WNK3: variants seen among roughly 807,000 people sequenced by gnomAD.
WNK3 encodes WNK lysine deficient protein kinase 3.
A neutral mutation model predicts 116.7 loss-of-function variants in WNK3; 18 were observed. That is an observed-to-expected ratio of 0.15 (90% CI 0.11 to 0.23). The LOEUF is 0.23. Among genes scored for constraint, WNK3 ranks in the 10% least tolerant of loss-of-function variants. The pLI, the probability that WNK3 is intolerant of heterozygous loss-of-function variation, is 1.00. For missense variants in WNK3, 993 were observed against 1,323.8 expected (o/e 0.75, Z 3.88); for synonymous variants, 404 against 469.4 (o/e 0.86, Z 1.80).
chrX:54,201,946 G>T, intron 23 of WNK3, 45 bp downstream of exon 23: 1 of 1,146,512 alleles, frequency 8.7e-7, no homozygotes. Flanking sequence ...AATTTTTATG[G>T]TTTTAGTTCT....
intron 22 of WNK3, among the ~76,000 whole-genome samples, chrX:54,206,196 C>T (rs2067551942): frequency 9.1e-6 from 1 of 110,462 alleles, no homozygotes; most frequent in African/African-American, 3.3e-5. Flanking sequence ...GCCAGGAGTT[C>T]AAGACCAGCC....
intron 20 of WNK3, among the ~76,000 whole-genome samples, chrX:54,233,464 CGA>C (rs2067927173): frequency 3.1e-5 from 2 of 65,009 alleles, no homozygotes; most frequent in Non-Finnish European, 5.5e-5. Flanking sequence ...AAAGAGAGAG[CGA>C]GAGAGAGAGG....
chrX:54,345,271 C>CTAT (rs1569539559), intron 1 of WNK3, among the ~76,000 whole-genome samples: 3 of 82,736 alleles, frequency 3.6e-5, no homozygotes, highest in Non-Finnish European at 5.1e-5. Context: ...ACAACAACAA[C>CTAT]AACTATATAT....
chrX:54,356,092 A>G (rs2069589635), intron 1 of WNK3, among the ~76,000 whole-genome samples: 1 of 111,822 alleles, frequency 8.9e-6, no homozygotes, highest in Non-Finnish European at 1.9e-5. Flanking sequence ...TAAAATGTGT[A>G]AAAAATAATC....
At chrX:54,292,706 CAAAAA>C (rs1180750751) in intron 10 of WNK3, among the ~76,000 whole-genome samples, 177 bp downstream of exon 10, 2 of 22,490 alleles carry the variant, frequency 8.9e-5, no homozygotes, top group Non-Finnish European at 1.8e-4. Context: ...CACTCCACCT[CAAAAA>C]AAAAAAAAAA....
At chrX:54,240,240 T>C (rs2068008099) in intron 17 of WNK3, among the ~76,000 whole-genome samples, 1 of 109,039 alleles carries the variant, frequency 9.2e-6, no homozygotes, top group Non-Finnish European at 1.9e-5. Flanking sequence ...GAGGCGGAGG[T>C]TGCAATGAGC....
chrX:54,207,662 C>T (rs1557142945), intron 22 of WNK3, among the ~76,000 whole-genome samples: 1 of 108,836 alleles, frequency 9.2e-6, no homozygotes. Context: ...TACAGGTGTG[C>T]ACCACCACAC....
At chrX:54,213,292 C>T (rs2067637853) in intron 22 of WNK3, among the ~76,000 whole-genome samples, 2 of 109,279 alleles carry the variant, frequency 1.8e-5, no homozygotes. Flanking sequence ...CGGTGGCTCA[C>T]ACCTGTAATC....
At chrX:54,241,261 T>C (rs2068019316) in intron 17 of WNK3, among the ~76,000 whole-genome samples, 1 of 111,819 alleles carries the variant, frequency 8.9e-6, no homozygotes, top group Admixed American at 9.5e-5. Flanking sequence ...CCAGGGAGCA[T>C]GTCCCATACC....
At chrX:54,228,412 C>A (rs1362485231) in intron 22 of WNK3, among the ~76,000 whole-genome samples, 2 of 111,735 alleles carry the variant, frequency 1.8e-5, no homozygotes, top group Non-Finnish European at 3.8e-5. Flanking sequence ...TATTGTGTAA[C>A]TGTATTGATA....
chrX:54,226,928 T>C (rs924571789), intron 22 of WNK3, among the ~76,000 whole-genome samples: 6 of 112,058 alleles, frequency 5.4e-5, no homozygotes, highest in African/African-American at 1.9e-4. Context: ...TTTTTTCTTT[T>C]TTCTCTTTCT....
rs201840392 is a variant in WNK3, at chrX:54,259,317, C to A, written c.2059G>T (p.Ala687Ser). 55 of 1,196,182 alleles carry A rather than the reference C, an allele frequency of 4.6e-5. 1 individual carries two copies. The highest frequency in any genetic ancestry group is 1.8e-4 in the Admixed American group (8 of 44,723). ...TTTAGAAGAGCTGCTTGTTGTTCAGCTCCAACTGGTTGGGATACAGGCTGT... is the reference window on the plus strand; with the variant it reads ...TTTAGAAGAGCTGCTTGTTGTTCAGATCCAACTGGTTGGGATACAGGCTGT... Residue 687 changes from alanine (A) to serine (S), a missense_variant, in exon 11 of 24, where the codon GCT (alanine) becomes TCT (serine). Around this residue, in one of 4 missense-constraint regions of WNK3, gnomAD observed 836 missense variants for 976.5 expected, o/e 0.86. Transcript: ENST00000354646.
chrX:54,334,804 C>T (rs782049806), intron 1 of WNK3, among the ~76,000 whole-genome samples: 2 of 112,218 alleles, frequency 1.8e-5, no homozygotes, highest in Non-Finnish European at 3.8e-5. Flanking sequence ...TTCTTTTAAA[C>T]TAGCAATTCT....
intron 2 of WNK3, among the ~76,000 whole-genome samples, chrX:54,324,738 G>A (rs1277463039): frequency 2.7e-5 from 3 of 112,154 alleles, no homozygotes; most frequent in Non-Finnish European, 3.8e-5. Context: ...TTTCTTACAC[G>A]GCTAAACAGA....
At chrX:54,237,113 A>G in exon 20 of WNK3, 6 of 1,212,012 alleles carry the variant, frequency 5.0e-6, no homozygotes, top group Non-Finnish European at 6.7e-6. Flanking sequence ...TTTGCCACTG[A>G]CTTTCCACTG....
chrX:54,314,674 C>T (rs782813595), intron 2 of WNK3, among the ~76,000 whole-genome samples: 1 of 110,977 alleles, frequency 9.0e-6, no homozygotes, highest in South Asian at 3.8e-4. Context: ...GGGGCTGAGG[C>T]TGGAGGATCG....
chrX:54,205,309 A>T (rs2067542971), intron 22 of WNK3, among the ~76,000 whole-genome samples: 1 of 110,914 alleles, frequency 9.0e-6, no homozygotes, highest in Admixed American at 9.7e-5. Context: ...TCTGGGTGGG[A>T]GGGAGAAAAA....
At chrX:54,213,309 C>T (rs969349849) in intron 22 of WNK3, among the ~76,000 whole-genome samples, 1 of 108,857 alleles carries the variant, frequency 9.2e-6, no homozygotes, top group Non-Finnish European at 1.9e-5. Context: ...AATCCCAGCA[C>T]TTTGGGAGGC....
At chrX:54,333,189 T>C (rs1315940370) in exon 2 of WNK3, 3 of 1,208,253 alleles carry the variant, frequency 2.5e-6, no homozygotes, top group Non-Finnish European at 3.4e-6. Context: ...CAGTCCTTTA[T>C]ATACTGTTTT....
Sources: gnomAD v4.1 joint callset for allele counts (sites outside exome capture counted in the v4.1 genomes callset) on GRCh38, gnomAD v4.1.1 for gene constraint, gnomAD v4.1.1 regional missense constraint, MANE v1.5 for transcripts, NCBI Gene and HGNC (gene_info 2026-07-23, HGNC 2026-07-21) for gene names.